Variants in SLC6A6 observed in about 807,000 individuals in gnomAD.
The protein encoded by SLC6A6 is solute carrier family 6 member 6, also known as sodium- and chloride-dependent taurine transporter.
In SLC6A6, 16 loss-of-function variants were observed where a neutral mutation model predicts 68.8. That is an observed-to-expected ratio of 0.23 (90% CI 0.16 to 0.35). The LOEUF (loss-of-function observed/expected upper bound fraction) is 0.35. Among genes scored for constraint, SLC6A6 ranks in the 10% least tolerant of loss-of-function variants. SLC6A6 has a pLI of 1.00. For synonymous variants in SLC6A6, 312 were observed against 315.4 expected, an observed-to-expected ratio of 0.99 and a Z score of 0.12; for missense variants, 474 against 802.8, an observed-to-expected ratio of 0.59 and a Z score of 4.95.
intron 1 of SLC6A6, among the ~76,000 whole-genome samples, chr3:14,412,024 CT>C: frequency 6.6e-6 from 1 of 152,384 alleles, no homozygotes; most frequent in Non-Finnish European, 1.5e-5. Flanking sequence ...TAAGTGAGTC[CT>C]TTCTCCTCCC....
intron 5 of SLC6A6, among the ~76,000 whole-genome samples, chr3:14,448,483 G>A (rs1006513492): frequency 2.6e-5 from 4 of 152,174 alleles, no homozygotes; most frequent in Non-Finnish European, 5.9e-5. Context: ...GGTCCCTGTG[G>A]TTTCATCACC....
chr3:14,467,356 T>C (rs1700643515), intron 7 of SLC6A6, among the ~76,000 whole-genome samples: 1 of 152,086 alleles, frequency 6.6e-6, no homozygotes, highest in African/African-American at 2.4e-5. Context: ...CCTGCATAGT[T>C]CCTTGGGACC....
intron 2 of SLC6A6, among the ~76,000 whole-genome samples, chr3:14,433,230 A>C (rs1699770101): frequency 6.6e-6 from 1 of 152,118 alleles, no homozygotes; most frequent in Non-Finnish European, 1.5e-5. Context: ...GAATTGCCCC[A>C]GGTAAGCGAG....
rs1699019475 is a variant in SLC6A6, at chr3:14,402,958, A to T, written c.-54+111A>T. 1 of 377,884 alleles carries T rather than the reference A, an allele frequency of 2.6e-6. No individual in the cohort carries two copies. Among genetic ancestry groups the T allele is most frequent in the Non-Finnish European group, 4.7e-6 (1 of 214,058 alleles). The allele number at this position is 377,884 out of a possible 1,614,324, so 23.4% of individuals were successfully genotyped here. A position where few individuals can be genotyped will look rare whatever the true frequency, so the allele number is the denominator to read the frequency against. The stretch of plus-strand genomic sequence containing the variant: ...GGCCTCCTCCCCTCCGCGTGCGCCC[A>T]TCCGGCGCCCCTTTCACCACCGCGG... On this transcript the variant is annotated intron_variant, in intron 1 of 14. Coordinates refer to ENST00000622186, the MANE Select transcript of SLC6A6 (RefSeq NM_003043.6). This position sits in a 1 kb window ranked among gnomAD's most constrained non-coding sequence, Gnocchi z 4.8.
chr3:14,485,025 G>A lies in SLC6A6; in HGVS notation c.*18G>A. 1 of 1,592,422 alleles carries A rather than the reference G, an allele frequency of 6.3e-7. No individual in the cohort carries two copies. Among genetic ancestry groups the A allele is most frequent in the Non-Finnish European group, 8.6e-7 (1 of 1,164,136 alleles). On this transcript the variant is annotated 3_prime_UTR_variant, in exon 15 of 15. Transcript: ENST00000622186. ...TGATGTGAGCTCTCTCGGGTCGACG[G>A]GGCCGGCGGCTTTCCTGCTGTTTAC...
At chr3:14,480,377 C>G (rs1013116464) in intron 13 of SLC6A6, among the ~76,000 whole-genome samples, 2 of 152,214 alleles carry the variant, frequency 1.3e-5, no homozygotes, top group African/African-American at 4.8e-5. Flanking sequence ...TTCCTTATCT[C>G]TCTCCCTGAG....
chr3:14,413,942 A>T (rs1699308615), intron 1 of SLC6A6, among the ~76,000 whole-genome samples: 1 of 152,002 alleles, frequency 6.6e-6, no homozygotes, highest in South Asian at 2.1e-4. Flanking sequence ...TATTTTTTTT[A>T]TTTATTTATT....
intron 1 of SLC6A6, among the ~76,000 whole-genome samples, chr3:14,406,979 C>T (rs947294238): frequency 1.1e-4 from 17 of 152,118 alleles, no homozygotes; most frequent in African/African-American, 4.1e-4. Context: ...GACTCCCAGG[C>T]CCAGCCTGGA....
intron 2 of SLC6A6, among the ~76,000 whole-genome samples, chr3:14,422,933 C>G (rs1354842928): frequency 1.3e-5 from 2 of 152,198 alleles, no homozygotes; most frequent in African/African-American, 4.8e-5. Context: ...CAGTCCTGGA[C>G]AAGGGTTCCC....
intron 1 of SLC6A6, among the ~76,000 whole-genome samples, chr3:14,409,056 C>T (rs1372882276): frequency 6.6e-6 from 1 of 152,262 alleles, no homozygotes; most frequent in Non-Finnish European, 1.5e-5. Context: ...GATCTGCCCG[C>T]CTCGGCCTCC....
chr3:14,481,659 A>G lies in SLC6A6; in HGVS notation c.1552-12A>G, dbSNP rs1701010690. On this transcript the variant is annotated splice_polypyrimidine_tract_variant and intron_variant, in intron 13 of 14. Transcript: ENST00000622186. This position sits in a 1 kb window ranked among gnomAD's most constrained non-coding sequence, Gnocchi z 4.7. ...CAGGACCCCTCTCCTGACTGCCCCCATCTCTCCGCAGGGATGTTTCATCTT... is the reference window on the plus strand; with the variant it reads ...CAGGACCCCTCTCCTGACTGCCCCCGTCTCTCCGCAGGGATGTTTCATCTT... 6.8e-7 allele frequency: 1 copy of G among 1,474,430 alleles called. No individual in the cohort carries two copies. The highest frequency in any genetic ancestry group is 9.2e-7 in the Non-Finnish European group (1 of 1,090,268). The allele number at this position is 1,474,430 out of a possible 1,614,324, so 91.3% of individuals were successfully genotyped here.
intron 1 of SLC6A6, among the ~76,000 whole-genome samples, chr3:14,412,417 C>T (rs986238641): frequency 4.6e-5 from 7 of 152,202 alleles, no homozygotes; most frequent in South Asian, 2.1e-4. Context: ...TGGTGGCTCA[C>T]GCCTGTAATC....
intron 6 of SLC6A6, among the ~76,000 whole-genome samples, chr3:14,463,314 A>T (rs1574953857): frequency 6.6e-6 from 1 of 152,210 alleles, no homozygotes; most frequent in African/African-American, 2.4e-5. Context: ...TTGTCTGAGG[A>T]TTAAATGAGT....
chr3:14,452,776 G>A (rs1700282702), intron 5 of SLC6A6, among the ~76,000 whole-genome samples: 1 of 152,172 alleles, frequency 6.6e-6, no homozygotes, highest in South Asian at 2.1e-4. Flanking sequence ...ATTGAGCGCC[G>A]AGTTGCTCTG....
intron 2 of SLC6A6, among the ~76,000 whole-genome samples, chr3:14,431,431 C>T (rs891011199): frequency 6.6e-6 from 1 of 152,180 alleles, no homozygotes; most frequent in African/African-American, 2.4e-5. Flanking sequence ...AGCAACAGTA[C>T]AGGCTGGGAA....
At chr3:14,415,107 G>T (rs1337727066) in intron 1 of SLC6A6, among the ~76,000 whole-genome samples, 2 of 152,224 alleles carry the variant, frequency 1.3e-5, no homozygotes, top group Non-Finnish European at 2.9e-5. Context: ...CATGTGCCCA[G>T]CCTCTAGCCG....
chr3:14,418,158 G>C (rs1219084814), intron 2 of SLC6A6, among the ~76,000 whole-genome samples: 1 of 152,160 alleles, frequency 6.6e-6, no homozygotes, highest in African/African-American at 2.4e-5. Context: ...TAGTAAAAAA[G>C]ATGGCCTTGA....
intron 7 of SLC6A6, among the ~76,000 whole-genome samples, 153 bp downstream of exon 7, chr3:14,466,803 C>T (rs2289129): frequency 0.051 from 7,829 of 152,294 alleles, 223 homozygotes; most frequent in South Asian, 0.12. Flanking sequence ...ACTTTTCCAC[C>T]GGGCCTGTGG....
chr3:14,447,917 C>G (rs1019444979), intron 5 of SLC6A6, 101 bp downstream of exon 5: 3 of 1,528,026 alleles, frequency 2.0e-6, no homozygotes, highest in African/African-American at 2.7e-5. Flanking sequence ...CCACTGTCTT[C>G]GGGGGAGTGG....
Sources: allele counts gnomAD v4.1 joint callset (sites outside exome capture counted in the v4.1 genomes callset), GRCh38; gene constraint gnomAD v4.1.1; non-coding constraint Gnocchi (gnomAD v3.1); transcripts MANE v1.5; gene names NCBI Gene and HGNC (gene_info 2026-07-23, HGNC 2026-07-21).